KAT2A: variants seen among roughly 807,000 people sequenced by gnomAD.
The protein encoded by KAT2A is histone acetyltransferase KAT2A.
In KAT2A, 42 loss-of-function variants were observed where a neutral mutation model predicts 95.2. That is an observed-to-expected ratio of 0.44 (90% confidence interval 0.34 to 0.57). The LOEUF is 0.57. KAT2A is among the 20% of genes least tolerant of loss of function. KAT2A has a pLI of 0.01. For missense variants in KAT2A, 784 were observed against 1,126.3 expected (o/e 0.70, Z 4.35); for synonymous variants, 449 against 448.2 (o/e 1.00, Z -0.02).
Position 42,120,237 on chromosome 17 carries a change from G to A in KAT2A, c.597C>T (p.Phe199=). The A allele has an allele frequency of 6.2e-7, 1 of 1,614,246 alleles. No homozygotes were observed. The highest frequency in any genetic ancestry group is 2.2e-5 in the East Asian group (1 of 44,882). The change falls in exon 3 of 18, where the codon TTC becomes TTT. Residue 199 remains phenylalanine (F), a synonymous_variant. Transcript: ENST00000225916. ...EEDTDTKQVY[F]YLFKLLRKCI... is the part of the protein sequence containing the mutation. ...AGTGGAAGCTCACCTTGAAGAGGTA[G>A]AAATAGACCTGCTTGGTGTCTGTGT...
rs1187249534 is a variant in KAT2A, at chr17:42,114,671, C to T, written c.2020-67G>A. On this transcript the variant is annotated intron_variant, in intron 13 of 17. Transcript: ENST00000225916. The surrounding 1 kb of genome is among the most constrained non-coding windows in gnomAD (Gnocchi z 6.0). ...CAACAACCCCTCCCAGGGCCACAGTCGGAGCCACTGGCTGCACCCACCCAG... is the reference window on the plus strand; with the variant it reads ...CAACAACCCCTCCCAGGGCCACAGTTGGAGCCACTGGCTGCACCCACCCAG... 32 of 1,430,250 alleles carry T rather than the reference C, an allele frequency of 2.2e-5. No homozygotes were observed. The highest frequency in any genetic ancestry group is 2.8e-5 in the African/African-American group (2 of 71,178). The allele number at this position is 1,430,250 out of a possible 1,614,324, so 88.6% of individuals were successfully genotyped here.
Position 42,118,407 on chromosome 17 carries a change from T to C in KAT2A, c.1074-4A>G. 6.3e-7 allele frequency: 1 copy of C among 1,590,150 alleles called. No individual in the cohort carries two copies. Among genetic ancestry groups the C allele is most frequent in the South Asian group, 1.1e-5 (1 of 90,624 alleles). On this transcript the variant is annotated splice_region_variant and splice_polypyrimidine_tract_variant and intron_variant, in intron 6 of 17. Coordinates refer to ENST00000225916, the MANE Select transcript of KAT2A (RefSeq NM_021078.3). Reference sequence around the variant, plus strand: ...CTCCTCCAGCATGGACAGGAATCTGTAGGGAGGACACAGTCTGTCCCACAA... The same window carrying C: ...CTCCTCCAGCATGGACAGGAATCTGCAGGGAGGACACAGTCTGTCCCACAA...
Position 42,120,255 on chromosome 17 carries a change from G to A in KAT2A, c.579C>T (p.Asp193=). The A allele has an allele frequency of 6.2e-7, 1 of 1,614,214 alleles. No individual in the cohort carries two copies. The highest frequency in any genetic ancestry group is 8.5e-7 in the Non-Finnish European group (1 of 1,180,034). The change falls in exon 3 of 18, where the codon GAC becomes GAT. Residue 193 remains aspartate, a synonymous_variant. Transcript: ENST00000225916. ...FMSVHKEEDT[D]TKQVYFYLFK... ...AGAGGTAGAAATAGACCTGCTTGGT[G>A]TCTGTGTCCTCTTCCTTGTGAACAG...
intron 2 of KAT2A, 105 bp downstream of exon 2, chr17:42,120,601 G>C: frequency 6.8e-7 from 1 of 1,473,676 alleles, no homozygotes; most frequent in Non-Finnish European, 9.3e-7. Context: ...TCCCTCCTTC[G>C]AGGCATCTTT....
rs1158641553 is a variant in KAT2A, at chr17:42,118,365, T to C, written c.1112A>G (p.Asn371Ser). 2.5e-6 allele frequency: 4 copies of C among 1,613,626 alleles called. No individual in the cohort carries two copies. The highest frequency in any genetic ancestry group is 3.4e-6 in the Non-Finnish European group (4 of 1,179,650). ...SMLEEEIYGANSPIWESGFTM... is the reference protein window; with the variant it reads ...SMLEEEIYGASSPIWESGFTM... ...GAAGCCTGACTCCCAGATTGGAGAG[T>C]TTGCCCCATAGATCTCCTCCTCCAG... The change falls in exon 7 of 18, where the codon AAC (asparagine) becomes AGC (serine). Residue 371 changes from asparagine to serine, a missense_variant. By Grantham distance (46) the Asn-to-Ser change is conservative. Coordinates refer to ENST00000225916, the MANE Select transcript of KAT2A (RefSeq NM_021078.3).
chr17:42,117,884 G>A lies in KAT2A; in HGVS notation c.1291+23C>T. ...TTTGGGAAGGAGTGAATGAGGGTCA[G>A]AGGTCAGGGGTCAAGTATCCACCTG... is the stretch of plus-strand genomic sequence containing the variant. On this transcript the variant is annotated intron_variant, in intron 8 of 17. Transcript: ENST00000225916. The surrounding 1 kb of genome is among the most constrained non-coding windows in gnomAD (Gnocchi z 8.9). The A allele has an allele frequency of 1.2e-6, 2 of 1,600,318 alleles. No homozygotes were observed. The highest frequency in any genetic ancestry group is 8.5e-7 in the Non-Finnish European group (1 of 1,170,352).
At position 42,119,471 on chromosome 17, in the gene KAT2A, G is replaced by C; in HGVS notation, c.882-35C>G. Reference sequence around the variant, plus strand: ...GGGGTCGAGGGGGAGACAGGTGAGGGCGGAAACCACTGAACCCAGGCTGGG... The same window carrying C: ...GGGGTCGAGGGGGAGACAGGTGAGGCCGGAAACCACTGAACCCAGGCTGGG... On this transcript the variant is annotated intron_variant, in intron 5 of 17. Coordinates refer to ENST00000225916, the MANE Select transcript of KAT2A (RefSeq NM_021078.3). The surrounding 1 kb of genome is among the most constrained non-coding windows in gnomAD (Gnocchi z 5.3). 6.3e-7 allele frequency: 1 copy of C among 1,591,340 alleles called. No individual in the cohort carries two copies. The highest frequency in any genetic ancestry group is 8.6e-7 in the Non-Finnish European group (1 of 1,165,450).
rs1555667327 is a variant in KAT2A, at chr17:42,121,209, G to A, written c.96C>T (p.Pro32=). ...PAPAPTPTPA[P]SPASAPIPTP... ...TCGGAATCGGGGCTGAAGCCGGGCT[G>A]GGTGCAGGAGTCGGAGTTGGGGCAG... Residue 32 remains proline, a synonymous_variant, in exon 1 of 18, where the codon CCC becomes CCT. Coordinates refer to ENST00000225916, the MANE Select transcript of KAT2A (RefSeq NM_021078.3). 1.5e-6 allele frequency: 2 copies of A among 1,340,180 alleles called. No homozygotes were observed. The highest frequency in any genetic ancestry group is 5.5e-5 in the Admixed American group (2 of 36,136). The allele number at this position is 1,340,180 out of a possible 1,614,324, so 83.0% of individuals were successfully genotyped here.
chr17:42,121,050 C>T lies in KAT2A; in HGVS notation c.255G>A (p.Gln85=). ...CTTGCGCCTTCCTCTGACTGGCGCG[C>T]TGCTGCTGGCTCAGGCCAGGTCGAG... ...DPARPGLSQQ[Q]RASQRKAQVR... Residue 85 remains glutamine (Q), a synonymous_variant, in exon 1 of 18, where the codon CAG becomes CAA. Coordinates refer to ENST00000225916, the MANE Select transcript of KAT2A (RefSeq NM_021078.3). 1 of 1,585,276 alleles carries T rather than the reference C, an allele frequency of 6.3e-7. No homozygotes were observed. The highest frequency in any genetic ancestry group is 8.6e-7 in the Non-Finnish European group (1 of 1,167,966).
chr17:42,115,904 A>G, intron 11 of KAT2A, 71 bp from the exon 12 acceptor site: 3 of 867,128 alleles, frequency 3.5e-6, no homozygotes, highest in Non-Finnish European at 6.0e-6. Context: ...CTCAGAGACC[A>G]GAGAAGAGCG....
chr17:42,115,556 CT>C, intron 12 of KAT2A, 166 bp downstream of exon 12: 1 of 624,884 alleles, frequency 1.6e-6, no homozygotes, highest in Non-Finnish European at 2.9e-6. Context: ...TCATTCTCCC[CT>C]GGGGCAATGG....
At position 42,119,280 on chromosome 17, in the gene KAT2A, G is replaced by C. The variant is rs369861907; in HGVS notation, c.1038C>G (p.Pro346=). ...KFRVEKDKLV[P]EKRTLILTHF... ...GAGTGAGGATGAGGGTCCTCTTCTC[G>C]GGCACCAATTTGTCCTTCTCCACTC... Residue 346 remains proline (P), a synonymous_variant, in exon 6 of 18, where the codon CCC becomes CCG. Transcript: ENST00000225916. This position sits in a 1 kb window ranked among gnomAD's most constrained non-coding sequence, Gnocchi z 5.3. The C allele has an allele frequency of 2.8e-5, 45 of 1,613,318 alleles. No homozygotes were observed. Among genetic ancestry groups the C allele is most frequent in the Non-Finnish European group, 3.6e-5 (43 of 1,179,546 alleles).
chr17:42,119,003 T>A lies in KAT2A; in HGVS notation c.1073+242A>T. The stretch of plus-strand genomic sequence containing the variant: ...CCCCCATGGGAAACAATTAGTAACA[T>A]CTACTGGGGCGTAGGGTCGGGTGGG... On this transcript the variant is annotated intron_variant, in intron 6 of 17. Transcript: ENST00000225916. The surrounding 1 kb of genome is among the most constrained non-coding windows in gnomAD (Gnocchi z 5.3). 1 of 1,323,838 alleles carries A rather than the reference T, an allele frequency of 7.6e-7. No individual in the cohort carries two copies. The allele number at this position is 1,323,838 out of a possible 1,614,324, so 82.0% of individuals were successfully genotyped here. A position where few individuals can be genotyped will look rare whatever the true frequency, so the allele number is the denominator to read the frequency against.
intron 6 of KAT2A, chr17:42,118,939 G>A (rs2074163): frequency 0.21 from 192,248 of 928,600 alleles, 28,123 homozygotes; most frequent in African/African-American, 0.69. Context: ...TGGTTTCTTG[G>A]AGAGTTGTGC....
intron 11 of KAT2A, 45 bp downstream of exon 11, chr17:42,116,990 G>GGCTCC: frequency 6.2e-7 from 1 of 1,609,544 alleles, no homozygotes; most frequent in Non-Finnish European, 8.5e-7. Flanking sequence ...CCCAAACTCA[G>GGCTCC]GAGTGGGCCG....
rs886381451 is a variant in KAT2A at position 42,113,481 on chromosome 17, T to C, written c.*168A>G. The C allele has an allele frequency of 5.0e-6, 3 of 596,944 alleles. No homozygotes were observed. Among genetic ancestry groups the C allele is most frequent in the South Asian group, 2.2e-5 (1 of 45,164 alleles). 37.0% of individuals were successfully genotyped at this position (596,944 alleles called of 1,614,324 possible). A position where few individuals can be genotyped will look rare whatever the true frequency, so the allele number is the denominator to read the frequency against. ...TGAAGGCTGGGACAGAGCTGCACGC[T>C]TGGGGGTGCCTGAAGGTCCAGAAAG... On this transcript the variant is annotated 3_prime_UTR_variant, in exon 18 of 18. Coordinates refer to ENST00000225916, the MANE Select transcript of KAT2A (RefSeq NM_021078.3).
rs964365167 is a variant in KAT2A, at chr17:42,114,289, C to T, written c.2172-7G>A. On this transcript the variant is annotated splice_polypyrimidine_tract_variant and splice_region_variant and intron_variant, in intron 15 of 17. Coordinates refer to ENST00000225916, the MANE Select transcript of KAT2A (RefSeq NM_021078.3). The surrounding 1 kb of genome is among the most constrained non-coding windows in gnomAD (Gnocchi z 6.0). ...GGGGTCCTTCAGCTCCTTCCTGGGG[C>T]GAGAGACACCAAGTCTGAGGCTCCA... 8 of 1,612,202 alleles carry T rather than the reference C, an allele frequency of 5.0e-6. No homozygotes were observed. Among genetic ancestry groups the T allele is most frequent in the Admixed American group, 3.3e-5 (2 of 59,930 alleles).
chr17:42,117,989 G>T lies in KAT2A; in HGVS notation c.1209C>A (p.Ser403Arg), dbSNP rs1555666434. 6.2e-7 allele frequency: 1 copy of T among 1,606,276 alleles called. No homozygotes were observed. Among genetic ancestry groups the T allele is most frequent in the Admixed American group, 1.7e-5 (1 of 59,466 alleles). The change falls in exon 8 of 18, where the codon AGC (serine) becomes AGA (arginine). Residue 403 changes from serine to arginine, a missense_variant. Transcript: ENST00000225916. This position sits in a 1 kb window ranked among gnomAD's most constrained non-coding sequence, Gnocchi z 8.9. ...CCATGCTGGGGCTGAAGATGGGGGT[G>T]CTGGGAACAACCGCTGCACTGACTG... The part of the protein sequence containing the change: ...PASVSAAVVP[S>R]TPIFSPSMGG...
At chr17:42,113,936 G>T in intron 17 of KAT2A, 64 bp downstream of exon 17, 2 of 1,478,640 alleles carry the variant, frequency 1.4e-6, no homozygotes, top group South Asian at 1.3e-5. Context: ...GCAGGGCGCA[G>T]TGAGGGCAGG....
Sources: gnomAD v4.1 joint callset for allele counts on GRCh38, gnomAD v4.1.1 for gene constraint, Gnocchi (gnomAD v3.1) non-coding constraint, MANE v1.5 for transcripts, NCBI Gene and HGNC (gene_info 2026-07-23, HGNC 2026-07-21) for gene names.